Variants in CCDC25 observed in about 807,000 individuals in gnomAD.
The protein encoded by CCDC25 is coiled-coil domain-containing protein 25.
CCDC25 carries 16 observed loss-of-function variants against 35.3 expected under a neutral mutation model. That is an observed-to-expected ratio of 0.45 (90% CI 0.31 to 0.69). The LOEUF is 0.69. Ranked by LOEUF, CCDC25 falls within the 30% of genes least tolerant of loss-of-function variation. The pLI, the probability that CCDC25 is intolerant of heterozygous loss-of-function variation, is 0.06. For missense variants in CCDC25, 179 were observed against 250.7 expected (o/e 0.71, Z 1.93); for synonymous variants, 79 against 80.3 (o/e 0.98, Z 0.09).
chr8:27,761,256 C>G (rs1038375903), intron 3 of CCDC25, among the ~76,000 whole-genome samples: 1 of 152,180 alleles, frequency 6.6e-6, no homozygotes, highest in Non-Finnish European at 1.5e-5. Context: ...GCTGCAGCAA[C>G]AGCCTGGGAG....
intron 5 of CCDC25, among the ~76,000 whole-genome samples, chr8:27,751,875 C>T (rs746135420): frequency 2.6e-5 from 4 of 152,152 alleles, no homozygotes; most frequent in Non-Finnish European, 4.4e-5. Context: ...AATACTTAGG[C>T]TAATTGTTCT....
chr8:27,753,638 T>C (rs1803895434), intron 4 of CCDC25, among the ~76,000 whole-genome samples: 1 of 152,226 alleles, frequency 6.6e-6, no homozygotes, highest in African/African-American at 2.4e-5. Flanking sequence ...TAATGAGAAC[T>C]TGGGACTACC....
chr8:27,756,186 C>T (rs1381366008), intron 4 of CCDC25: 1 of 152,106 alleles, frequency 6.6e-6, no homozygotes, highest in Admixed American at 6.6e-5. Context: ...GCAGTACACT[C>T]GCAAGCATAT....
chr8:27,746,930 A>G (rs879620141), intron 7 of CCDC25, among the ~76,000 whole-genome samples: 1 of 152,250 alleles, frequency 6.6e-6, no homozygotes, highest in Non-Finnish European at 1.5e-5. Context: ...AAACTGGGTT[A>G]GGACATGCCT....
At chr8:27,743,214 A>AC (rs1803498493) in intron 7 of CCDC25, among the ~76,000 whole-genome samples, 1 of 151,932 alleles carries the variant, frequency 6.6e-6, no homozygotes, top group Non-Finnish European at 1.5e-5. Flanking sequence ...ACTTCTCTCC[A>AC]CCCCAAGTCA....
rs77051762 is a variant in CCDC25, at chr8:27,759,779, C to CAAAAAAAAAAAAAAAAAAA, written c.116+2621_116+2639dup. Among the ~76,000 whole-genome samples the CAAAAAAAAAAAAAAAAAAA allele has an allele frequency of 1.2e-3, 112 of 91,218 alleles. 1 individual carries two copies. Among genetic ancestry groups the CAAAAAAAAAAAAAAAAAAA allele is most frequent in the African/African-American group, 3.0e-3 (63 of 20,912 alleles). The allele number at this position is 91,218 out of a possible 152,430, so 59.8% of individuals were successfully genotyped here. ...TGGGTGACAGAGCAAGACTCTGTCT[C>CAAAAAAAAAAAAAAAAAAA]AAAAAAAAAAAAAAAAAAAAGATGA... is the stretch of plus-strand genomic sequence containing the variant. On this transcript the variant is annotated intron_variant, in intron 3 of 8. Transcript: ENST00000356537.
At chr8:27,753,615 A>G (rs1188586424) in intron 4 of CCDC25, among the ~76,000 whole-genome samples, 1 of 152,212 alleles carries the variant, frequency 6.6e-6, no homozygotes, top group Non-Finnish European at 1.5e-5. Flanking sequence ...GTATTCAAAC[A>G]AATAATTGGT....
intron 5 of CCDC25, 35 bp downstream of exon 5, chr8:27,752,477 G>A (rs138760801): frequency 3.5e-5 from 53 of 1,511,532 alleles, no homozygotes; most frequent in African/African-American, 2.7e-4. Context: ...GAGAAAGTCC[G>A]TGCTAATTCT....
chr8:27,759,918 C>T (rs980158911), intron 3 of CCDC25, among the ~76,000 whole-genome samples: 1 of 151,914 alleles, frequency 6.6e-6, no homozygotes. Flanking sequence ...AATGATTCAA[C>T]AGCTCCACAA....
At chr8:27,750,711 G>A (rs1391860347) in intron 5 of CCDC25, among the ~76,000 whole-genome samples, 2 of 152,208 alleles carry the variant, frequency 1.3e-5, no homozygotes, top group African/African-American at 4.8e-5. Context: ...AGTTTAGGCC[G>A]AGGAGAGTCA....
At chr8:27,762,298 G>C in intron 3 of CCDC25, 121 bp downstream of exon 3, 2 of 784,416 alleles carry the variant, frequency 2.5e-6, no homozygotes, top group Non-Finnish European at 2.1e-6. Context: ...CTGGCAGTCA[G>C]CTGTTTAACC....
At chr8:27,765,721 T>G (rs755244805) in intron 1 of CCDC25, among the ~76,000 whole-genome samples, 19 of 152,180 alleles carry the variant, frequency 1.2e-4, no homozygotes, top group Non-Finnish European at 1.9e-4. Context: ...TTAGCCAATA[T>G]TACCCATATT....
chr8:27,759,608 CAAAAAAA>C (rs146836795), intron 3 of CCDC25, among the ~76,000 whole-genome samples: 13 of 88,444 alleles, frequency 1.5e-4, no homozygotes, highest in African/African-American at 1.4e-4. Flanking sequence ...GACTCTGTCT[CAAAAAAA>C]AAAAAAAAAA....
chr8:27,754,843 C>T (rs1461119975), intron 4 of CCDC25, among the ~76,000 whole-genome samples: 1 of 152,176 alleles, frequency 6.6e-6, no homozygotes, highest in Non-Finnish European at 1.5e-5. Context: ...CAATCAGAGC[C>T]ATCCCCATGA....
At chr8:27,753,373 A>C (rs1184351848) in intron 4 of CCDC25, among the ~76,000 whole-genome samples, 1 of 152,166 alleles carries the variant, frequency 6.6e-6, no homozygotes, top group Non-Finnish European at 1.5e-5. Context: ...TTACTGCAGG[A>C]AATTAATCAG....
chr8:27,745,339 C>T (rs746599134), intron 7 of CCDC25, among the ~76,000 whole-genome samples: 12 of 152,252 alleles, frequency 7.9e-5, no homozygotes, highest in Admixed American at 3.9e-4. Flanking sequence ...AGTCATAGTC[C>T]TTACCCTTTG....
chr8:27,750,046 G>A (rs1803740725), intron 5 of CCDC25, among the ~76,000 whole-genome samples: 1 of 152,202 alleles, frequency 6.6e-6, no homozygotes, highest in Non-Finnish European at 1.5e-5. Flanking sequence ...GCAAGGCACT[G>A]TGGGGGACAC....
chr8:27,735,537 C>T lies in CCDC25; in HGVS notation c.*679G>A, dbSNP rs565102916. On this transcript the variant is annotated 3_prime_UTR_variant, in exon 9 of 9. Coordinates refer to ENST00000356537, the MANE Select transcript of CCDC25 (RefSeq NM_018246.3). ...TGGCTTGGGTTACTTGGTGCTCAGG[C>T]AACAACTGCCACAGGCCCCAGCTTG... 3 of 152,286 alleles carry T rather than the reference C, an allele frequency of 2.0e-5. No homozygotes were observed. The highest frequency in any genetic ancestry group is 7.2e-5 in the African/African-American group (3 of 41,562). 9.4% of individuals were successfully genotyped at this position (152,286 alleles called of 1,614,324 possible).
rs762964810 is a variant in CCDC25, at chr8:27,748,093, C to T, written c.535G>A (p.Glu179Lys). The T allele has an allele frequency of 1.2e-6, 2 of 1,611,506 alleles. No homozygotes were observed. The highest frequency in any genetic ancestry group is 1.7e-6 in the Non-Finnish European group (2 of 1,179,450). Reference sequence around the variant, plus strand: ...CCGACATACCTAAGTTCATCCATTTCCCTCTTCTTCTTCATTTCTTCTTTT... The same window carrying T: ...CCGACATACCTAAGTTCATCCATTTTCCTCTTCTTCTTCATTTCTTCTTTT... ...REKEEMKKKR[E>K]MDELRSYSSL... The change falls in exon 7 of 9, where the codon GAA (glutamate) becomes AAA (lysine). Residue 179 changes from glutamate to lysine, a missense_variant. Transcript: ENST00000356537.
Sources: gnomAD v4.1 joint callset for allele counts (sites outside exome capture counted in the v4.1 genomes callset) on GRCh38, gnomAD v4.1.1 for gene constraint, MANE v1.5 for transcripts, NCBI Gene and HGNC (gene_info 2026-07-23, HGNC 2026-07-21) for gene names.